The following CHUK variants were observed in gnomAD, a reference collection of about 807,000 sequenced individuals.
CHUK encodes inhibitor of nuclear factor kappa-B kinase subunit alpha.
CHUK carries 35 observed loss-of-function variants against 104.8 expected under a neutral mutation model. That is an observed-to-expected ratio of 0.33 (90% CI 0.26 to 0.44). The LOEUF (loss-of-function observed/expected upper bound fraction) is 0.44. Ranked by LOEUF, CHUK falls within the 20% of genes least tolerant of loss-of-function variation. The probability of loss-of-function intolerance (pLI) is 1.00; values close to 1 mark genes in which losing one functional copy is unlikely to be tolerated. For synonymous variants in CHUK, 276 were observed against 291.9 expected, an observed-to-expected ratio of 0.95 and a Z score of 0.56; for missense variants, 663 against 902.7, an observed-to-expected ratio of 0.73 and a Z score of 3.40.
chr10:100,190,830 C>T (rs781291698), intron 20 of CHUK, 39 bp downstream of exon 20: 1 of 1,178,176 alleles, frequency 8.5e-7, no homozygotes, highest in Non-Finnish European at 1.3e-6. Context: ...TTGCACCCAA[C>T]ATAGCCAAAG....
intron 19 of CHUK, 174 bp downstream of exon 19, chr10:100,193,124 G>T: frequency 1.4e-6 from 1 of 691,270 alleles, no homozygotes; most frequent in Non-Finnish European, 2.5e-6. Context: ...TGTTTTACAG[G>T]TGAGGAAATA....
intron 1 of CHUK, among the ~76,000 whole-genome samples, chr10:100,226,549 C>T (rs1846110530): frequency 6.6e-6 from 1 of 152,200 alleles, no homozygotes; most frequent in Non-Finnish European, 1.5e-5. Flanking sequence ...TCCATAGCTA[C>T]ATAATGAACC....
intron 9 of CHUK, among the ~76,000 whole-genome samples, chr10:100,214,984 C>T (rs1296432676): frequency 6.6e-6 from 1 of 151,976 alleles, no homozygotes; most frequent in Non-Finnish European, 1.5e-5. Context: ...CCTGTAATCC[C>T]AGCACTTTGG....
At chr10:100,218,425 C>T (rs1368185821) in intron 8 of CHUK, among the ~76,000 whole-genome samples, 1 of 152,168 alleles carries the variant, frequency 6.6e-6, no homozygotes, top group Non-Finnish European at 1.5e-5. Flanking sequence ...GGACATATGT[C>T]AAACAGTTAA....
chr10:100,190,020 CTTTTT>C (rs10549639), intron 20 of CHUK: 18 of 136,652 alleles, frequency 1.3e-4, no homozygotes, highest in South Asian at 1.1e-3. Flanking sequence ...CACCATTATC[CTTTTT>C]TTTTTTTTTT....
In CHUK at chr10:100,202,100, G is replaced by T; in HGVS notation, c.1557C>A (p.Ile519=). 6.2e-7 allele frequency: 1 copy of T among 1,611,138 alleles called. No individual in the cohort carries two copies. ...TCAATGATTTTACCTCAGCATAGTG[G>T]ATGGCCTTTTCTTCCATTTCTTTCC... ...KAWKEMEEKA[I]HYAEVGVIGY... is the part of the protein sequence containing the mutation. Residue 519 remains isoleucine (I), a synonymous_variant, in exon 14 of 21, where the codon ATC becomes ATA. Coordinates refer to ENST00000370397, the MANE Select transcript of CHUK (RefSeq NM_001278.5).
intron 10 of CHUK, among the ~76,000 whole-genome samples, chr10:100,208,798 T>C (rs1347991186): frequency 1.1e-4 from 9 of 79,314 alleles, no homozygotes; most frequent in African/African-American, 2.4e-4. Flanking sequence ...AAAAAAAAAC[T>C]GGAAGAGCCA....
rs749631826 is a variant in CHUK, at chr10:100,189,570, G to A, written c.*28C>T. 6.3e-7 allele frequency: 1 copy of A among 1,592,262 alleles called. No homozygotes were observed. Among genetic ancestry groups the A allele is most frequent in the Non-Finnish European group, 8.6e-7 (1 of 1,160,192 alleles). ...AACATGTATAGCAACAACTTCCATA[G>A]GTTTGGGGACAGTGAACAAGTGACA... On this transcript the variant is annotated 3_prime_UTR_variant, in exon 21 of 21. Transcript: ENST00000370397.
intron 9 of CHUK, among the ~76,000 whole-genome samples, chr10:100,210,082 TATTTATTTA>T (rs1564836502): frequency 5.1e-5 from 7 of 135,958 alleles, no homozygotes; most frequent in Admixed American, 7.0e-5. Flanking sequence ...TTTATTTATT[TATTTATTTA>T]TTTTTTTTTT....
At chr10:100,199,547 GA>G (rs1251909795) in intron 16 of CHUK, among the ~76,000 whole-genome samples, 1 of 152,086 alleles carries the variant, frequency 6.6e-6, no homozygotes, top group Non-Finnish European at 1.5e-5. Context: ...AGCTGGTTTT[GA>G]ACTCCTGACC....
At chr10:100,217,276 T>C (rs1845879874) in intron 9 of CHUK, among the ~76,000 whole-genome samples, 1 of 148,514 alleles carries the variant, frequency 6.7e-6, no homozygotes, top group Non-Finnish European at 1.5e-5. Context: ...AAAAGAACTA[T>C]GTTAGTTTCT....
chr10:100,196,222 CT>C (rs1364105729), intron 16 of CHUK, among the ~76,000 whole-genome samples: 2 of 152,126 alleles, frequency 1.3e-5, no homozygotes, highest in African/African-American at 4.8e-5. Flanking sequence ...CATCTTCAAC[CT>C]TTTTATCCTC....
At chr10:100,225,842 T>G in intron 2 of CHUK, 81 bp downstream of exon 2, 1 of 809,924 alleles carries the variant, frequency 1.2e-6, no homozygotes, top group South Asian at 1.4e-5. Context: ...CTGAGAAGAG[T>G]GGATTCCTGG....
Position 100,202,795 on chromosome 10 carries a change from ACT to A in CHUK, c.1508-648_1508-647del, listed in dbSNP as rs553374685. ...AAATTTTTTTTTGAGGTAGAGTCTC[ACT>A]CTGTCACCCAGGCTGGAGTGCAGTG... On this transcript the variant is annotated intron_variant, in intron 13 of 20. Transcript: ENST00000370397. Among the ~76,000 whole-genome samples the A allele has an allele frequency of 4.0e-4, 61 of 152,084 alleles. 1 individual carries two copies. The South Asian group carries it at 0.011, about 26-fold the overall frequency.
chr10:100,190,849 C>T lies in CHUK; in HGVS notation c.2208+20G>A. On this transcript the variant is annotated intron_variant, in intron 20 of 20. Coordinates refer to ENST00000370397, the MANE Select transcript of CHUK (RefSeq NM_001278.5). ...ACCCAACATAGCCAAAGCAGGCACCCATATCCACACAAAACTTACCATCAT... is the reference window on the plus strand; with the variant it reads ...ACCCAACATAGCCAAAGCAGGCACCTATATCCACACAAAACTTACCATCAT... 7.2e-7 allele frequency: 1 copy of T among 1,388,250 alleles called. No individual in the cohort carries two copies. The highest frequency in any genetic ancestry group is 1.0e-6 in the Non-Finnish European group (1 of 973,668). The allele number at this position is 1,388,250 out of a possible 1,614,324, so 86.0% of individuals were successfully genotyped here.
intron 13 of CHUK, among the ~76,000 whole-genome samples, chr10:100,203,439 T>C (rs903024691): frequency 2.4e-4 from 37 of 151,618 alleles, no homozygotes; most frequent in African/African-American, 8.7e-4. Context: ...ATCAATAATA[T>C]ATAAATAGAA....
At position 100,194,406 on chromosome 10, in the gene CHUK, A is replaced by C. The variant is rs1845276831; in HGVS notation, c.1826+19T>G. 1 of 1,549,188 alleles carries C rather than the reference A, an allele frequency of 6.5e-7. No homozygotes were observed. Among genetic ancestry groups the C allele is most frequent in the South Asian group, 1.1e-5 (1 of 89,676 alleles). On this transcript the variant is annotated intron_variant, in intron 17 of 20. Transcript: ENST00000370397. ...AACGTATCCTGGTTTTTCAGTAGGA[A>C]ATGAAGCAATTTTCCTACCTCAAAT...
chr10:100,210,882 C>T (rs1019881674), intron 9 of CHUK, among the ~76,000 whole-genome samples: 5 of 152,180 alleles, frequency 3.3e-5, no homozygotes, highest in Non-Finnish European at 5.9e-5. Flanking sequence ...CACCTGTCAG[C>T]GCGGACAGCC....
intron 9 of CHUK, among the ~76,000 whole-genome samples, chr10:100,213,813 C>T (rs867058512): frequency 2.0e-5 from 3 of 152,340 alleles, no homozygotes; most frequent in Middle Eastern, 3.4e-3. Context: ...TGAGCCACCA[C>T]ACCTGTATCA....
Sources: allele counts gnomAD v4.1 joint callset (sites outside exome capture counted in the v4.1 genomes callset), GRCh38; gene constraint gnomAD v4.1.1; transcripts MANE v1.5; gene names NCBI Gene and HGNC (gene_info 2026-07-23, HGNC 2026-07-21).